The following EDDM3A variants were observed in gnomAD, a reference collection of about 807,000 sequenced individuals.
EDDM3A encodes the protein epididymal protein 3A, also known as epididymal secretory protein E3-alpha.
For missense variants in EDDM3A, 199 were observed against 177.4 expected (o/e 1.12, Z -0.69); for synonymous variants, 75 against 60.4 (o/e 1.24, Z -1.12).
chr14:20,736,820 C>G, the EDDM3A span, among the ~76,000 whole-genome samples: 4 of 151,932 alleles, frequency 2.6e-5, no homozygotes, highest in Admixed American at 2.6e-4. Flanking sequence ...AAGTGATTCT[C>G]CTGCTTCAGC....
At chr14:20,744,428 T>C (rs779392756), upstream of EDDM3A, among the ~76,000 whole-genome samples, 2 of 152,312 alleles carry the variant, frequency 1.3e-5, no homozygotes, top group East Asian at 1.9e-4. Context: ...CCTTTGGAAG[T>C]GTTGTTAGAA....
the EDDM3A span, among the ~76,000 whole-genome samples, chr14:20,738,439 C>T: frequency 4.2e-3 from 642 of 151,078 alleles, 4 homozygotes; most frequent in Middle Eastern, 0.01. Flanking sequence ...CCATTGCACT[C>T]CAGCCTGGTG....
the EDDM3A span, among the ~76,000 whole-genome samples, chr14:20,738,576 A>T: frequency 6.6e-6 from 1 of 152,202 alleles, no homozygotes; most frequent in East Asian, 1.9e-4. Context: ...CTCATTTGAT[A>T]AATACTCTTC....
the EDDM3A span, among the ~76,000 whole-genome samples, chr14:20,739,775 T>A: frequency 6.6e-6 from 1 of 152,204 alleles, no homozygotes; most frequent in Non-Finnish European, 1.5e-5. Flanking sequence ...TACACATTAA[T>A]CATTGCATGC....
upstream of EDDM3A, among the ~76,000 whole-genome samples, chr14:20,743,334 G>T (rs1187793070): frequency 6.6e-6 from 1 of 152,166 alleles, no homozygotes; most frequent in Non-Finnish European, 1.5e-5. Context: ...TGGATCACCT[G>T]AGGTCAGGAG....
At chr14:20,744,942 C>A (rs1877537996), upstream of EDDM3A, among the ~76,000 whole-genome samples, 1 of 152,202 alleles carries the variant, frequency 6.6e-6, no homozygotes, top group Non-Finnish European at 1.5e-5. Flanking sequence ...ATTTTCTGGC[C>A]TGACCAAGTG....
chr14:20,746,957 G>A (rs547387622), intron 1 of EDDM3A, among the ~76,000 whole-genome samples: 11 of 152,288 alleles, frequency 7.2e-5, no homozygotes, highest in South Asian at 2.1e-4. Flanking sequence ...AAGAGAGCTC[G>A]ATAGTGATTG....
intron 1 of EDDM3A, among the ~76,000 whole-genome samples, chr14:20,747,102 CTTTTT>C (rs71112518): frequency 1.6e-5 from 2 of 122,174 alleles, no homozygotes; most frequent in Admixed American, 8.9e-5. Flanking sequence ...AAACTGTATT[CTTTTT>C]TTTTTTTTTT....
chr14:20,742,074 C>A (rs753016339), upstream of EDDM3A, among the ~76,000 whole-genome samples: 1 of 152,142 alleles, frequency 6.6e-6, no homozygotes, highest in African/African-American at 2.4e-5. Context: ...CAAATATTAC[C>A]TTTTCCCCAG....
the EDDM3A span, among the ~76,000 whole-genome samples, chr14:20,737,213 C>T: frequency 2.1e-3 from 313 of 152,036 alleles, 1 homozygote; most frequent in African/African-American, 7.2e-3. Context: ...AACACCACGT[C>T]CCACTAATTT....
At chr14:20,742,236 A>G (rs1332064555), upstream of EDDM3A, among the ~76,000 whole-genome samples, 1 of 152,192 alleles carries the variant, frequency 6.6e-6, no homozygotes, top group Non-Finnish European at 1.5e-5. Context: ...GAAACCAGAT[A>G]GTGCTAAGTC....
upstream of EDDM3A, among the ~76,000 whole-genome samples, chr14:20,743,274 G>A (rs1287436021): frequency 6.6e-6 from 1 of 152,214 alleles, no homozygotes; most frequent in African/African-American, 2.4e-5. Flanking sequence ...TATTGGCTTG[G>A]TGCGGTGGCT....
intron 1 of EDDM3A, among the ~76,000 whole-genome samples, chr14:20,746,646 G>C (rs4981328): frequency 0.034 from 5,138 of 152,246 alleles, 136 homozygotes; most frequent in Non-Finnish European, 0.047. Flanking sequence ...GCAGTAATTA[G>C]GGAAATGGCC....
upstream of EDDM3A, among the ~76,000 whole-genome samples, chr14:20,742,209 C>T (rs1258098264): frequency 2.6e-5 from 4 of 152,154 alleles, no homozygotes; most frequent in South Asian, 2.1e-4. Flanking sequence ...GTACTGATTC[C>T]CATCCTGGGC....
At chr14:20,739,567 C>T in the EDDM3A span, among the ~76,000 whole-genome samples, 7,051 of 152,182 alleles carry the variant, frequency 0.046, 563 homozygotes, top group African/African-American at 0.16. Flanking sequence ...AAAATATGCC[C>T]CAGATACAAA....
At chr14:20,738,925 C>T in the EDDM3A span, among the ~76,000 whole-genome samples, 1 of 152,196 alleles carries the variant, frequency 6.6e-6, no homozygotes, top group Non-Finnish European at 1.5e-5. Flanking sequence ...AGAAGGGTCT[C>T]TTGTGATTTA....
upstream of EDDM3A, among the ~76,000 whole-genome samples, chr14:20,743,047 T>C (rs749663008): frequency 2.0e-5 from 3 of 152,158 alleles, no homozygotes; most frequent in South Asian, 4.1e-4. Context: ...TACATTTCAA[T>C]ATGGGTGAGT....
At chr14:20,745,204 C>T (rs540676554), upstream of EDDM3A, among the ~76,000 whole-genome samples, 180 of 140,932 alleles carry the variant, frequency 1.3e-3, no homozygotes, top group African/African-American at 4.5e-3. Flanking sequence ...CCAGCCTGGG[C>T]GACAGAGCAA....
upstream of EDDM3A, among the ~76,000 whole-genome samples, chr14:20,742,283 C>T (rs1459591041): frequency 1.3e-5 from 2 of 152,202 alleles, no homozygotes; most frequent in Admixed American, 1.3e-4. Flanking sequence ...ATGAGGGAAC[C>T]ACACTGCTGA....
Sources: gnomAD v4.1 joint callset for allele counts (sites outside exome capture counted in the v4.1 genomes callset) on GRCh38, gnomAD v4.1.1 for gene constraint, MANE v1.5 for transcripts, NCBI Gene and HGNC (gene_info 2026-07-23, HGNC 2026-07-21) for gene names.